The following SLC30A6 variants were observed in gnomAD, a reference collection of about 807,000 sequenced individuals.
The protein encoded by SLC30A6 is zinc transporter 6.
SLC30A6 carries 55 observed loss-of-function variants against 63.0 expected under a neutral mutation model. The ratio of observed to expected loss-of-function variants is 0.87; its 90% confidence interval spans 0.70 to 1.09. SLC30A6 has a LOEUF of 1.09. Among genes scored for constraint, SLC30A6 ranks in the 50% least tolerant of loss-of-function variants. The pLI is 0.00. For synonymous variants in SLC30A6, 224 were observed against 186.1 expected, an observed-to-expected ratio of 1.20 and a Z score of -1.66; for missense variants, 587 against 549.2, an observed-to-expected ratio of 1.07 and a Z score of -0.69.
At chr2:32,209,735 T>G (rs1443192741) in intron 13 of SLC30A6, among the ~76,000 whole-genome samples, 174 bp downstream of exon 13, 2 of 149,050 alleles carry the variant, frequency 1.3e-5, no homozygotes, top group African/African-American at 2.4e-5. Flanking sequence ...TTTTTGGTGT[T>G]TAGAGACAGG....
At chr2:32,189,652 A>C (rs1480660211) in intron 5 of SLC30A6, among the ~76,000 whole-genome samples, 1 of 110,788 alleles carries the variant, frequency 9.0e-6, no homozygotes, top group African/African-American at 3.6e-5. Context: ...TCTGTAGCCC[A>C]TGTTGGAGTA....
At chr2:32,219,030 C>G (rs941263996) in intron 13 of SLC30A6, among the ~76,000 whole-genome samples, 2 of 152,092 alleles carry the variant, frequency 1.3e-5, no homozygotes, top group African/African-American at 4.8e-5. Context: ...AACCTTATTA[C>G]CTACCTATCA....
At chr2:32,175,280 G>A in intron 3 of SLC30A6, 39 bp from the exon 4 acceptor site, 4 of 1,585,896 alleles carry the variant, frequency 2.5e-6, no homozygotes, top group Non-Finnish European at 3.5e-6. Flanking sequence ...TTTTAGAGGG[G>A]TCAGTAATAC....
chr2:32,199,576 T>G (rs766729030), intron 10 of SLC30A6, among the ~76,000 whole-genome samples: 6 of 152,232 alleles, frequency 3.9e-5, no homozygotes, highest in Non-Finnish European at 7.3e-5. Context: ...TGCTCTTGTT[T>G]ATTTTAAAAT....
At chr2:32,178,684 C>T (rs541120376) in intron 4 of SLC30A6, among the ~76,000 whole-genome samples, 3 of 152,182 alleles carry the variant, frequency 2.0e-5, no homozygotes, top group Admixed American at 2.0e-4. Context: ...TCTCAAAAAA[C>T]AAAACAACAA....
rs753069253 is a variant in SLC30A6 at position 32,220,327 on chromosome 2, G to A, written c.1000G>A (p.Asp334Asn). Reference protein sequence around the residue: ...VSTLTVQIFKDDWIRPALLSG... With the variant: ...VSTLTVQIFKNDWIRPALLSG... Reference sequence around the variant, plus strand: ...TACTCTAACTGTTCAAATTTTCAAGGATGACTGGATTAGGCCTGCCTTATT... The same window carrying A: ...TACTCTAACTGTTCAAATTTTCAAGAATGACTGGATTAGGCCTGCCTTATT... The change falls in exon 14 of 14, where the codon GAT becomes AAT. Residue 334 changes from aspartate (D) to asparagine (N), a missense_variant. By Grantham distance (23) the Asp-to-Asn change is conservative. Coordinates refer to ENST00000282587, the MANE Select transcript of SLC30A6 (RefSeq NM_017964.5). 1 of 1,614,138 alleles carries A rather than the reference G, an allele frequency of 6.2e-7. No homozygotes were observed. Among genetic ancestry groups the A allele is most frequent in the Admixed American group, 1.7e-5 (1 of 60,016 alleles).
chr2:32,195,719 T>C (rs190975296), intron 8 of SLC30A6, among the ~76,000 whole-genome samples: 1 of 150,900 alleles, frequency 6.6e-6, no homozygotes, highest in Non-Finnish European at 1.5e-5. Context: ...TTATTTATTT[T>C]TTAATAGAGA....
intron 13 of SLC30A6, among the ~76,000 whole-genome samples, chr2:32,216,583 A>C (rs1231537348): frequency 7.2e-6 from 1 of 139,320 alleles, no homozygotes; most frequent in African/African-American, 2.6e-5. Context: ...ATAAATAAAT[A>C]ATAATAATGA....
intron 1 of SLC30A6, among the ~76,000 whole-genome samples, chr2:32,170,553 T>C (rs955207266): frequency 6.6e-6 from 1 of 152,222 alleles, no homozygotes; most frequent in Non-Finnish European, 1.5e-5. Context: ...ATACTTTGAC[T>C]GAATGCCTAA....
In SLC30A6 at chr2:32,175,301, T is replaced by G. The variant is rs775266960; in HGVS notation, c.176-18T>G. On this transcript the variant is annotated intron_variant, in intron 3 of 13. Transcript: ENST00000282587. ...AGGGGTCAGTAATACTTTTAATCAT[T>G]TTTTTGTTGTTTTGCAGCTTTAACT... 10 of 1,608,890 alleles carry G rather than the reference T, an allele frequency of 6.2e-6. No individual in the cohort carries two copies. Among genetic ancestry groups the G allele is most frequent in the Middle Eastern group, 3.3e-4 (2 of 5,992 alleles).
rs907976598 is a variant in SLC30A6 at position 32,221,005 on chromosome 2, C to G, written c.*292C>G. ...TTGACTGCAGTGTGATGTGACCTTA[C>G]CTTTATAAGAGCCACTTGATGGAGT... On this transcript the variant is annotated 3_prime_UTR_variant, in exon 14 of 14. Coordinates refer to ENST00000282587, the MANE Select transcript of SLC30A6 (RefSeq NM_017964.5). 1.6e-5 allele frequency: 5 copies of G among 311,828 alleles called. No individual in the cohort carries two copies. The highest frequency in any genetic ancestry group is 3.0e-5 in the Non-Finnish European group (5 of 165,890). The allele number at this position is 311,828 out of a possible 1,614,324, so 19.3% of individuals were successfully genotyped here.
chr2:32,168,957 A>G (rs1408479172), intron 1 of SLC30A6, among the ~76,000 whole-genome samples: 2 of 152,208 alleles, frequency 1.3e-5, no homozygotes, highest in African/African-American at 4.8e-5. Context: ...TGGCATCAGA[A>G]GTGGCTTTCT....
chr2:32,200,740 G>T (rs902851810), intron 10 of SLC30A6, among the ~76,000 whole-genome samples: 1 of 151,874 alleles, frequency 6.6e-6, no homozygotes, highest in Non-Finnish European at 1.5e-5. Context: ...AGAGACCTTT[G>T]TTCACTTGTT....
intron 5 of SLC30A6, among the ~76,000 whole-genome samples, chr2:32,188,683 A>G (rs1319703181): frequency 2.7e-5 from 4 of 145,836 alleles, no homozygotes; most frequent in Non-Finnish European, 6.1e-5. Context: ...CTCAAAAAAT[A>G]AAAAATAAAA....
At chr2:32,215,012 CAGT>C (rs1422319493) in intron 13 of SLC30A6, among the ~76,000 whole-genome samples, 1 of 152,198 alleles carries the variant, frequency 6.6e-6, no homozygotes, top group Non-Finnish European at 1.5e-5. Flanking sequence ...TCATGATTGA[CAGT>C]AGCTCTCTTA....
intron 2 of SLC30A6, among the ~76,000 whole-genome samples, chr2:32,172,016 A>G (rs1252564167): frequency 6.6e-6 from 1 of 152,128 alleles, no homozygotes; most frequent in African/African-American, 2.4e-5. Context: ...TTTTTAATGT[A>G]GGGCAAGAAA....
Position 32,220,378 on chromosome 2 carries a change from C to T in SLC30A6, c.1051C>T (p.Leu351=), listed in dbSNP as rs372327225. 5.6e-6 allele frequency: 9 copies of T among 1,614,054 alleles called. 1 individual carries two copies. The Middle Eastern group carries it at 4.9e-4, about 88-fold the overall frequency. ...LLSGPVAANV[L]NFSDHHVIPM... is the part of the protein sequence containing the mutation. ...GTCTGGGCCTGTTGCAGCCAATGTC[C>T]TAAACTTTTCAGATCATCACGTAAT... is the stretch of plus-strand genomic sequence containing the variant. The change falls in exon 14 of 14, where the codon CTA becomes TTA. Residue 351 remains leucine, a synonymous_variant. Transcript: ENST00000282587.
intron 10 of SLC30A6, chr2:32,203,482 A>G: frequency 1.9e-6 from 3 of 1,603,312 alleles, no homozygotes; most frequent in Non-Finnish European, 2.6e-6. Context: ...CAGTGGATGC[A>G]TTGGCTGCAG....
intron 13 of SLC30A6, among the ~76,000 whole-genome samples, chr2:32,210,327 C>T (rs1003069792): frequency 6.6e-6 from 1 of 151,950 alleles, no homozygotes. Flanking sequence ...ACTTGGCTAA[C>T]ATGGTGAAAC....
Sources: gnomAD v4.1 joint callset for allele counts (sites outside exome capture counted in the v4.1 genomes callset) on GRCh38, gnomAD v4.1.1 for gene constraint, MANE v1.5 for transcripts, NCBI Gene and HGNC (gene_info 2026-07-23, HGNC 2026-07-21) for gene names.